Variants in LRRTM4 observed in about 807,000 individuals in gnomAD.
LRRTM4 encodes leucine-rich repeat transmembrane neuronal protein 4.
In LRRTM4, 25 loss-of-function variants were observed where a neutral mutation model predicts 47.6. The observed-to-expected ratio is 0.53, with a 90% confidence interval of 0.38 to 0.73. The LOEUF is 0.73. Ranked by LOEUF, LRRTM4 falls within the 30% of genes least tolerant of loss-of-function variation. LRRTM4 has a pLI of 0.00. For synonymous variants in LRRTM4, 311 were observed against 269.5 expected (o/e 1.15, Z -1.51); for missense variants, 638 against 713.4 (o/e 0.89, Z 1.20).
At chr2:77,154,181 T>C (rs956412455) in intron 3 of LRRTM4, among the ~76,000 whole-genome samples, 2 of 152,188 alleles carry the variant, frequency 1.3e-5, no homozygotes, top group Admixed American at 6.5e-5. Flanking sequence ...GGTGAATCCA[T>C]TTAGCTTCTT....
At chr2:76,845,684 T>G (rs754400127) in intron 3 of LRRTM4, among the ~76,000 whole-genome samples, 1 of 152,146 alleles carries the variant, frequency 6.6e-6, no homozygotes, top group African/African-American at 2.4e-5. Flanking sequence ...ACATGAAATA[T>G]TTTTCAGTCT....
At chr2:76,763,322 AG>A (rs1673330293) in intron 3 of LRRTM4, among the ~76,000 whole-genome samples, 1 of 152,288 alleles carries the variant, frequency 6.6e-6, no homozygotes, top group Admixed American at 6.5e-5. Flanking sequence ...GGGGCCTCTA[AG>A]GAAGTAATTA....
At chr2:76,895,249 G>A (rs1011541797) in intron 3 of LRRTM4, among the ~76,000 whole-genome samples, 32 of 152,010 alleles carry the variant, frequency 2.1e-4, no homozygotes, top group African/African-American at 7.0e-4. Context: ...ATGAATAAAA[G>A]TGCTTCATAT....
intron 3 of LRRTM4, among the ~76,000 whole-genome samples, chr2:77,382,400 G>A (rs1359955306): frequency 6.6e-6 from 1 of 152,062 alleles, no homozygotes; most frequent in African/African-American, 2.4e-5. Flanking sequence ...GGAATTATCT[G>A]TGGAACTCTA....
intron 3 of LRRTM4, among the ~76,000 whole-genome samples, chr2:76,910,727 A>C (rs889340481): frequency 6.6e-6 from 1 of 152,076 alleles, no homozygotes; most frequent in East Asian, 1.9e-4. Flanking sequence ...ATTCAGAAAC[A>C]CTCTGTTATG....
intron 3 of LRRTM4, among the ~76,000 whole-genome samples, chr2:76,775,747 C>CT (rs1221058904): frequency 3.3e-5 from 5 of 151,206 alleles, no homozygotes; most frequent in South Asian, 4.5e-4. Context: ...ATTTCTCTCT[C>CT]TTTTTTTTAA....
At chr2:77,426,112 C>T (rs1162909943) in intron 3 of LRRTM4, among the ~76,000 whole-genome samples, 1 of 148,148 alleles carries the variant, frequency 6.8e-6, no homozygotes, top group Non-Finnish European at 1.5e-5. Context: ...AGTGAGACAC[C>T]GTCAAAAAAA....
At chr2:76,895,773 T>G (rs940374159) in intron 3 of LRRTM4, among the ~76,000 whole-genome samples, 5 of 146,692 alleles carry the variant, frequency 3.4e-5, no homozygotes, top group African/African-American at 1.4e-4. Flanking sequence ...ATTCTGTTTT[T>G]TATAAAAAAT....
At chr2:77,249,829 A>G (rs1675554635) in intron 3 of LRRTM4, among the ~76,000 whole-genome samples, 1 of 152,222 alleles carries the variant, frequency 6.6e-6, no homozygotes, top group Non-Finnish European at 1.5e-5. Flanking sequence ...GTATTCATCC[A>G]AGGGTGTAAA....
rs376326776 is a variant in LRRTM4 at position 76,866,845 on chromosome 2, C to G, written c.1552-117929G>C. Among the ~76,000 whole-genome samples, 21 of 152,018 alleles carry G rather than the reference C, an allele frequency of 1.4e-4. No individual in the cohort carries two copies. In the East Asian group the frequency reaches 3.1e-3, roughly 22 times the overall value. ...CTTTATAGTAAAATGATTTATAATC[C>G]TTTGGGTATATACCCAGTAATGGGA... On this transcript the variant is annotated intron_variant, in intron 3 of 3. Coordinates refer to ENST00000409884, the MANE Select transcript of LRRTM4 (RefSeq NM_001134745.3).
At chr2:77,481,844 A>G (rs1380604926) in intron 3 of LRRTM4, among the ~76,000 whole-genome samples, 1 of 151,386 alleles carries the variant, frequency 6.6e-6, no homozygotes, top group Non-Finnish European at 1.5e-5. Context: ...ATTACTACAG[A>G]CTAACATAAA....
intron 3 of LRRTM4, among the ~76,000 whole-genome samples, chr2:76,841,043 A>C (rs998323047): frequency 4.0e-5 from 6 of 148,898 alleles, no homozygotes; most frequent in African/African-American, 1.3e-4. Context: ...CAACAATGAT[A>C]GACTGGATTA....
At chr2:77,513,485 G>A (rs1303467618) in intron 3 of LRRTM4, among the ~76,000 whole-genome samples, 3 of 152,118 alleles carry the variant, frequency 2.0e-5, no homozygotes, top group African/African-American at 7.2e-5. Context: ...GCAATATGTA[G>A]TACAAATACA....
At chr2:77,386,202 G>A (rs1246420887) in intron 3 of LRRTM4, among the ~76,000 whole-genome samples, 5 of 152,138 alleles carry the variant, frequency 3.3e-5, no homozygotes, top group African/African-American at 9.7e-5. Flanking sequence ...AACAAATAGT[G>A]TTGAAGTTAG....
chr2:76,928,844 G>T (rs918988825), intron 3 of LRRTM4, among the ~76,000 whole-genome samples: 3 of 152,090 alleles, frequency 2.0e-5, no homozygotes, highest in Non-Finnish European at 2.9e-5. Context: ...GAACACAAAA[G>T]AATGTGATGT....
intron 3 of LRRTM4, among the ~76,000 whole-genome samples, chr2:77,416,830 ATACTG>A (rs1314648665): frequency 6.6e-6 from 1 of 152,146 alleles, no homozygotes; most frequent in East Asian, 1.9e-4. Context: ...GTCCAGTAAA[ATACTG>A]TAATATTTTA....
chr2:76,984,445 A>G (rs931147895), intron 3 of LRRTM4, among the ~76,000 whole-genome samples: 2 of 151,980 alleles, frequency 1.3e-5, no homozygotes, highest in Non-Finnish European at 2.9e-5. Flanking sequence ...GTTGTTCTAC[A>G]TCCAAAATTC....
chr2:77,049,717 A>T (rs1324473685), intron 3 of LRRTM4, among the ~76,000 whole-genome samples: 1 of 151,822 alleles, frequency 6.6e-6, no homozygotes, highest in Non-Finnish European at 1.5e-5. Context: ...TAGTATGCAA[A>T]TAATTTCTCT....
At chr2:76,869,408 C>T (rs969051690) in intron 3 of LRRTM4, among the ~76,000 whole-genome samples, 7 of 152,058 alleles carry the variant, frequency 4.6e-5, no homozygotes, top group African/African-American at 1.7e-4. Context: ...CAGGAATAGT[C>T]ACCAGTTTTG....
Sources: gnomAD v4.1 joint callset for allele counts (sites outside exome capture counted in the v4.1 genomes callset) on GRCh38, gnomAD v4.1.1 for gene constraint, MANE v1.5 for transcripts, NCBI Gene and HGNC (gene_info 2026-07-23, HGNC 2026-07-21) for gene names.